Variants in TSGA10 observed in about 807,000 individuals in gnomAD.
TSGA10 encodes testis specific 10.
A neutral mutation model predicts 96.6 loss-of-function variants in TSGA10; 43 were observed. The ratio of observed to expected loss-of-function variants is 0.44; its 90% CI spans 0.35 to 0.57. TSGA10 has a LOEUF of 0.57. Among genes scored for constraint, TSGA10 ranks in the 20% least tolerant of loss-of-function variants. The pLI is 0.01. For synonymous variants in TSGA10, 229 were observed against 269.9 expected, an observed-to-expected ratio of 0.85 and a Z score of 1.48; for missense variants, 703 against 834.4, an observed-to-expected ratio of 0.84 and a Z score of 1.94.
chr2:99,020,496 A>G lies in TSGA10; in HGVS notation c.1615-14T>C, dbSNP rs1419362118. On this transcript the variant is annotated splice_polypyrimidine_tract_variant and intron_variant, in intron 17 of 20. Coordinates refer to ENST00000393483, the MANE Select transcript of TSGA10 (RefSeq NM_025244.4). ...CTCATTCTCCCTCTGTTCAATAACAAGAAGATATCTACACTTATTCCCATT... is the reference window on the plus strand; with the variant it reads ...CTCATTCTCCCTCTGTTCAATAACAGGAAGATATCTACACTTATTCCCATT... 2.5e-6 allele frequency: 4 copies of G among 1,573,796 alleles called. No homozygotes were observed. The highest frequency in any genetic ancestry group is 3.5e-6 in the Non-Finnish European group (4 of 1,145,250).
Position 99,064,990 on chromosome 2 carries a change from C to G in TSGA10, c.1353G>C (p.Glu451Asp). ...LKLELITAEA[E>D]GNRLKEKVDS... ...CTACTTTTTCTTTTAATCTGTTACC[C>G]TCTGCCTCAGCAGTGATAAGTTCCA... is the stretch of plus-strand genomic sequence containing the variant. The change falls in exon 16 of 21, where the codon GAG becomes GAC. Residue 451 changes from glutamate to aspartate, a missense_variant. Physicochemically the swap from Glu to Asp is conservative, Grantham distance 45. This residue lies in a region of TSGA10 where 585 missense variants were observed against 656.8 expected (regional missense o/e 0.89). Coordinates refer to ENST00000393483, the MANE Select transcript of TSGA10 (RefSeq NM_025244.4). 1 of 1,610,968 alleles carries G rather than the reference C, an allele frequency of 6.2e-7. No homozygotes were observed. Among genetic ancestry groups the G allele is most frequent in the Non-Finnish European group, 8.5e-7 (1 of 1,178,818 alleles).
intron 1 of TSGA10, among the ~76,000 whole-genome samples, chr2:99,140,121 A>AT (rs576176759): frequency 1.5e-3 from 222 of 152,336 alleles, no homozygotes; most frequent in African/African-American, 5.1e-3. Flanking sequence ...CTGCCATTAA[A>AT]TAATGCCAAA....
chr2:99,049,347 C>G (rs149860877), intron 16 of TSGA10, among the ~76,000 whole-genome samples: 2,764 of 152,234 alleles, frequency 0.018, 86 homozygotes, highest in African/African-American at 0.063. Flanking sequence ...CCATCAATGA[C>G]AGACCGGATA....
intron 13 of TSGA10, among the ~76,000 whole-genome samples, chr2:99,072,449 C>G (rs1303903191): frequency 1.3e-5 from 2 of 152,062 alleles, no homozygotes; most frequent in African/African-American, 4.8e-5. Flanking sequence ...ATCATTTTTT[C>G]TCCTCATACT....
chr2:99,129,065 A>G (rs2092954583), intron 1 of TSGA10, among the ~76,000 whole-genome samples: 1 of 152,190 alleles, frequency 6.6e-6, no homozygotes, highest in Non-Finnish European at 1.5e-5. Context: ...ACATATATTC[A>G]AAAGTATTTT....
At chr2:99,042,466 C>T (rs547526794) in intron 16 of TSGA10, among the ~76,000 whole-genome samples, 7 of 152,210 alleles carry the variant, frequency 4.6e-5, no homozygotes, top group South Asian at 4.1e-4. Flanking sequence ...TCTGACCAGA[C>T]GAGATTTCCC....
chr2:99,153,049 G>A (rs191838576), intron 1 of TSGA10, among the ~76,000 whole-genome samples: 27 of 152,318 alleles, frequency 1.8e-4, no homozygotes, highest in African/African-American at 6.5e-4. Context: ...CTAGATCAGG[G>A]TAGCTGGCAA....
At chr2:99,072,930 A>G (rs2086157466) in intron 13 of TSGA10, 88 bp downstream of exon 13, 1 of 891,682 alleles carries the variant, frequency 1.1e-6, no homozygotes, top group Admixed American at 2.0e-5. Context: ...ACGTATCATT[A>G]AGCCCCTTGT....
chr2:99,111,326 T>C (rs11123762), intron 4 of TSGA10, among the ~76,000 whole-genome samples: 89,875 of 151,942 alleles, frequency 0.59, 27,513 homozygotes, highest in East Asian at 0.88. Context: ...TTCAATTCAA[T>C]CCACAAAATA....
intron 15 of TSGA10, among the ~76,000 whole-genome samples, chr2:99,067,262 C>T (rs572145892): frequency 1.9e-4 from 29 of 152,300 alleles, no homozygotes; most frequent in African/African-American, 5.8e-4. Flanking sequence ...CTCCACACTT[C>T]TTGATGGTCT....
At chr2:99,049,632 T>A (rs191070937) in intron 16 of TSGA10, among the ~76,000 whole-genome samples, 38 of 151,338 alleles carry the variant, frequency 2.5e-4, no homozygotes, top group African/African-American at 9.0e-4. Context: ...CTAATGTAGG[T>A]GACAGGTTGA....
intron 16 of TSGA10, among the ~76,000 whole-genome samples, chr2:99,063,446 G>A (rs908970178): frequency 3.9e-5 from 6 of 152,008 alleles, no homozygotes; most frequent in Non-Finnish European, 8.8e-5. Context: ...CCACAGACAA[G>A]GACAATATAA....
At position 99,127,158 on chromosome 2, in the gene TSGA10, C is replaced by A; in HGVS notation, c.-602G>T. Reference sequence around the variant, plus strand: ...GAAACTGGAGCCCCTAGACCAAAATCATATTCTTTGGTGGTAACCTAGTAC... The same window carrying A: ...GAAACTGGAGCCCCTAGACCAAAATAATATTCTTTGGTGGTAACCTAGTAC... On this transcript the variant is annotated 5_prime_UTR_variant, in exon 2 of 21. It removes an upstream start codon present in the reference 5' UTR. Coordinates refer to ENST00000393483, the MANE Select transcript of TSGA10 (RefSeq NM_025244.4). 1 of 1,287,810 alleles carries A rather than the reference C, an allele frequency of 7.8e-7. No individual in the cohort carries two copies. Among genetic ancestry groups the A allele is most frequent in the Non-Finnish European group, 1.0e-6 (1 of 988,268 alleles). The allele number at this position is 1,287,810 out of a possible 1,614,324, so 79.8% of individuals were successfully genotyped here.
chr2:99,017,768 A>G (rs953786760), intron 20 of TSGA10, among the ~76,000 whole-genome samples: 2 of 151,040 alleles, frequency 1.3e-5, no homozygotes, highest in African/African-American at 2.4e-5. Context: ...CCGTCTCAAA[A>G]AAAAAAAAAA....
At chr2:99,099,804 C>T (rs2090488437) in intron 10 of TSGA10, among the ~76,000 whole-genome samples, 1 of 151,962 alleles carries the variant, frequency 6.6e-6, no homozygotes, top group Non-Finnish European at 1.5e-5. Context: ...ATTTTATGTA[C>T]ACAAATAAAA....
At chr2:99,047,091 A>T (rs1009335014) in intron 16 of TSGA10, among the ~76,000 whole-genome samples, 7 of 152,184 alleles carry the variant, frequency 4.6e-5, no homozygotes, top group Non-Finnish European at 1.0e-4. Flanking sequence ...ATAGCTTACC[A>T]ATCAAAAAAA....
intron 16 of TSGA10, among the ~76,000 whole-genome samples, chr2:99,061,936 G>T (rs963282918): frequency 3.9e-5 from 6 of 152,184 alleles, no homozygotes. Context: ...CAGAAGAAAG[G>T]CCATGTGAGA....
intron 10 of TSGA10, among the ~76,000 whole-genome samples, chr2:99,092,673 A>G (rs2089495180): frequency 6.6e-6 from 1 of 152,178 alleles, no homozygotes; most frequent in Non-Finnish European, 1.5e-5. Context: ...GAAAACCTAG[A>G]GGAGACGGAT....
chr2:99,025,444 T>C (rs1473371386), intron 17 of TSGA10, among the ~76,000 whole-genome samples: 1 of 152,210 alleles, frequency 6.6e-6, no homozygotes, highest in East Asian at 1.9e-4. Flanking sequence ...ATGATACTTT[T>C]TTTATAAGGT....
Sources: gnomAD v4.1 joint callset for allele counts (sites outside exome capture counted in the v4.1 genomes callset) on GRCh38, gnomAD v4.1.1 for gene constraint, gnomAD v4.1.1 regional missense constraint, MANE v1.5 for transcripts, NCBI Gene and HGNC (gene_info 2026-07-23, HGNC 2026-07-21) for gene names.